PLA2R1: variants seen among roughly 807,000 people sequenced by gnomAD.
The protein encoded by PLA2R1 is phospholipase A2 receptor 1.
Under a neutral mutation model 195.9 loss-of-function variants are expected in PLA2R1, and 158 were observed. That is an observed-to-expected ratio of 0.81 (90% CI 0.71 to 0.92). The LOEUF (loss-of-function observed/expected upper bound fraction) is 0.92. PLA2R1 is among the 40% of genes least tolerant of loss of function. PLA2R1 has a pLI of 0.00. For missense variants in PLA2R1, 1,626 were observed against 1,764.6 expected (o/e 0.92, Z 1.41); for synonymous variants, 586 against 598.2 (o/e 0.98, Z 0.30).
Position 160,020,190 on chromosome 2 carries a change from A to AT in PLA2R1, c.1367_1368insA (p.Ser457PhefsTer6). On this transcript the variant is annotated frameshift_variant, in exon 8 of 30. Coordinates refer to ENST00000283243, the MANE Select transcript of PLA2R1 (RefSeq NM_007366.5). LOFTEE classifies it high-confidence loss of function. The stretch of plus-strand genomic sequence containing the variant: ...TGTGCCAATTAGTAAAGATGACTGA[A>AT]GAGTCATTAGACCATTCAAAGGAAA... 1 of 1,607,962 alleles carries AT rather than the reference A, an allele frequency of 6.2e-7. No homozygotes were observed. Among genetic ancestry groups the AT allele is most frequent in the Non-Finnish European group, 8.5e-7 (1 of 1,174,356 alleles).
At chr2:160,009,533 G>C (rs561433995) in intron 10 of PLA2R1, among the ~76,000 whole-genome samples, 3 of 152,226 alleles carry the variant, frequency 2.0e-5, no homozygotes, top group East Asian at 1.9e-4. Context: ...TGGGAGGAGG[G>C]GAGAATAGGC....
intron 24 of PLA2R1, among the ~76,000 whole-genome samples, chr2:159,950,537 T>C (rs554730806): frequency 6.6e-6 from 1 of 152,342 alleles, no homozygotes; most frequent in East Asian, 1.9e-4. Context: ...AATGGTTTAA[T>C]AAGTTGTGGT....
intron 10 of PLA2R1, among the ~76,000 whole-genome samples, chr2:160,009,542 G>T (rs1692218554): frequency 6.6e-6 from 1 of 152,080 alleles, no homozygotes; most frequent in South Asian, 2.1e-4. Context: ...GGGAGAATAG[G>T]CAGCTATTGT....
chr2:159,939,579 A>G lies in PLA2R1; in HGVS notation c.*2199T>C, dbSNP rs1035215268. 1 of 152,160 alleles carries G rather than the reference A, an allele frequency of 6.6e-6. No homozygotes were observed. The highest frequency in any genetic ancestry group is 1.5e-5 in the Non-Finnish European group (1 of 68,018). 9.4% of individuals were successfully genotyped at this position (152,160 alleles called of 1,614,324 possible). A position where few individuals can be genotyped will look rare whatever the true frequency, so the allele number is the denominator to read the frequency against. On this transcript the variant is annotated 3_prime_UTR_variant, in exon 30 of 30. Coordinates refer to ENST00000283243, the MANE Select transcript of PLA2R1 (RefSeq NM_007366.5). ...TAAAAATGTAGCAGAATACTTCAGT[A>G]CTATTTCTGCAAATTCAGTAATGGC...
At chr2:160,010,111 A>G (rs1386123224) in intron 10 of PLA2R1, among the ~76,000 whole-genome samples, 4 of 152,202 alleles carry the variant, frequency 2.6e-5, no homozygotes, top group African/African-American at 9.6e-5. Flanking sequence ...CACTGTCTCA[A>G]AAATAAATGA....
At chr2:160,049,133 G>A (rs1313279154) in intron 1 of PLA2R1, among the ~76,000 whole-genome samples, 12 of 152,166 alleles carry the variant, frequency 7.9e-5, no homozygotes, top group South Asian at 2.1e-4. Context: ...GAGCCACCGC[G>A]CCCGGCCAGA....
rs751644109 is a variant in PLA2R1, at chr2:160,028,941, C to T, written c.864G>A (p.Val288=). Residue 288 remains valine, a synonymous_variant, in exon 5 of 30, where the codon GTG becomes GTA. Transcript: ENST00000283243. Reference sequence around the variant, plus strand: ...GCTGATTGAGGCCCATCCACACCTCCACTGTTTTACTGCTCATGTGCTCTG... The same window carrying T: ...GCTGATTGAGGCCCATCCACACCTCTACTGTTTTACTGCTCATGTGCTCTG... ...FIREHMSSKT[V]EVWMGLNQLD... The T allele has an allele frequency of 1.9e-6, 3 of 1,591,400 alleles. No homozygotes were observed. The highest frequency in any genetic ancestry group is 2.6e-6 in the Non-Finnish European group (3 of 1,158,412).
In PLA2R1 at chr2:160,060,505, G is replaced by A. The variant is rs186457958; in HGVS notation, c.109+1790C>T. On this transcript the variant is annotated intron_variant, in intron 1 of 29. Coordinates refer to ENST00000283243, the MANE Select transcript of PLA2R1 (RefSeq NM_007366.5). ...GAGAGCCTGTGCCTGTGCGAGGAAT[G>A]GTACATAACCTCCGTGCTCCTTGGA... Among the ~76,000 whole-genome samples the A allele has an allele frequency of 2.3e-3, 356 of 152,296 alleles. 1 individual carries two copies. The highest frequency in any genetic ancestry group is 8.0e-3 in the African/African-American group (334 of 41,554).
Position 160,062,370 on chromosome 2 carries a change from G to C in PLA2R1, c.34C>G (p.Leu12Val), listed in dbSNP as rs1431184674. 1 of 1,535,056 alleles carries C rather than the reference G, an allele frequency of 6.5e-7. No homozygotes were observed. The highest frequency in any genetic ancestry group is 1.2e-5 in the South Asian group (1 of 83,116). Residue 12 changes from leucine (L) to valine (V), a missense_variant, in exon 1 of 30, where the codon CTG becomes GTG. Coordinates refer to ENST00000283243, the MANE Select transcript of PLA2R1 (RefSeq NM_007366.5). Reference protein sequence around the residue: ...LLSPSLLLLLLLGAPRGCAEG... With the variant: ...LLSPSLLLLLVLGAPRGCAEG... ...GCGCAGCCCCGCGGCGCCCCCAGCA[G>C]CAGCAGCAGCAGCAGCGACGGCGAC...
intron 3 of PLA2R1, among the ~76,000 whole-genome samples, chr2:160,036,863 C>A (rs1296901776): frequency 6.6e-6 from 1 of 151,788 alleles, no homozygotes; most frequent in Non-Finnish European, 1.5e-5. Flanking sequence ...CACTGACCCT[C>A]GATGGCTGTG....
intron 28 of PLA2R1, among the ~76,000 whole-genome samples, chr2:159,942,362 G>A (rs554340060): frequency 1.3e-5 from 2 of 152,214 alleles, no homozygotes; most frequent in South Asian, 4.1e-4. Flanking sequence ...AGACCATATG[G>A]CTCCCAAAGC....
At position 159,955,790 on chromosome 2, in the gene PLA2R1, C is replaced by A; in HGVS notation, c.3061G>T (p.Val1021Leu). Residue 1021 changes from valine (V) to leucine (L), a missense_variant, in exon 22 of 30, where the codon GTG becomes TTG. Coordinates refer to ENST00000283243, the MANE Select transcript of PLA2R1 (RefSeq NM_007366.5). ...TMNLFGQTTS[V>L]WIGLQNDDYE... ...TCATCATTTTGTAAACCTATCCACA[C>A]ACTGGTGGTCTGGCCAAAAAGATTC... The A allele has an allele frequency of 6.3e-7, 1 of 1,598,254 alleles. No individual in the cohort carries two copies. The highest frequency in any genetic ancestry group is 2.3e-5 in the East Asian group (1 of 44,284).
intron 1 of PLA2R1, among the ~76,000 whole-genome samples, chr2:160,049,284 C>A (rs1196003120): frequency 6.6e-6 from 1 of 152,080 alleles, no homozygotes; most frequent in Non-Finnish European, 1.5e-5. Context: ...AACGTGTACT[C>A]TTCTAAGGAG....
chr2:159,951,473 T>TA lies in PLA2R1; in HGVS notation c.3406dup (p.Tyr1136LeufsTer46). ...CATCAGGCAGGTTTTTATTGCTGCA[T>TA]ACCAAGTCATATTTGCATTAATTAT... On this transcript the variant is annotated frameshift_variant, in exon 24 of 30. Transcript: ENST00000283243. LOFTEE classifies it high-confidence loss of function. The TA allele has an allele frequency of 6.2e-7, 1 of 1,610,568 alleles. No homozygotes were observed. Among genetic ancestry groups the TA allele is most frequent in the Non-Finnish European group, 8.5e-7 (1 of 1,176,670 alleles).
intron 3 of PLA2R1, among the ~76,000 whole-genome samples, chr2:160,035,888 G>C (rs1694136419): frequency 6.6e-6 from 1 of 152,144 alleles, no homozygotes. Flanking sequence ...GCAACTGTTA[G>C]TTTGAGACTT....
chr2:159,953,569 A>G (rs570273728), intron 23 of PLA2R1, among the ~76,000 whole-genome samples: 1 of 152,372 alleles, frequency 6.6e-6, no homozygotes, highest in South Asian at 2.1e-4. Flanking sequence ...TGCAGAAATC[A>G]TGATCACAGA....
At chr2:160,052,594 T>C (rs1695278131) in intron 1 of PLA2R1, among the ~76,000 whole-genome samples, 1 of 152,246 alleles carries the variant, frequency 6.6e-6, no homozygotes, top group Non-Finnish European at 1.5e-5. Context: ...GATTATCTTA[T>C]TGACTCTGTT....
intron 11 of PLA2R1, among the ~76,000 whole-genome samples, chr2:160,003,018 G>C (rs556509163): frequency 1.2e-3 from 182 of 151,992 alleles, no homozygotes; most frequent in African/African-American, 4.2e-3. Context: ...ATACCACACT[G>C]CTTGAATTAT....
At position 159,987,340 on chromosome 2, in the gene PLA2R1, A is replaced by G; in HGVS notation, c.1853T>C (p.Val618Ala). 1 of 1,611,204 alleles carries G rather than the reference A, an allele frequency of 6.2e-7. No homozygotes were observed. The highest frequency in any genetic ancestry group is 1.7e-5 in the Admixed American group (1 of 59,892). ...THQPRYSGGC[V>A]AMRGRHPLGR... ...AAGTGGATGCCTTCCTCGCATGGCA[A>G]CACAGCCACCACTGTAGCCTAAAAG... The change falls in exon 12 of 30, where the codon GTT becomes GCT. Residue 618 changes from valine (V) to alanine (A), a missense_variant. Coordinates refer to ENST00000283243, the MANE Select transcript of PLA2R1 (RefSeq NM_007366.5).
Sources: gnomAD v4.1 joint callset for allele counts (sites outside exome capture counted in the v4.1 genomes callset) on GRCh38, gnomAD v4.1.1 for gene constraint, MANE v1.5 for transcripts, NCBI Gene and HGNC (gene_info 2026-07-23, HGNC 2026-07-21) for gene names.